The following AKAP13 variants were observed in gnomAD, a reference collection of about 807,000 sequenced individuals.
The protein encoded by AKAP13 is A-kinase anchor protein 13.
In AKAP13, 80 loss-of-function variants were observed where a neutral mutation model predicts 264.5. The ratio of observed to expected loss-of-function variants is 0.30; its 90% CI spans 0.25 to 0.36. The LOEUF (loss-of-function observed/expected upper bound fraction) is 0.36. AKAP13 is among the 10% of genes least tolerant of loss of function. The pLI is 1.00. For missense variants in AKAP13, 3,712 were observed against 3,435.2 expected, an observed-to-expected ratio of 1.08 and a Z score of -2.01; for synonymous variants, 1,380 against 1,250.2, an observed-to-expected ratio of 1.10 and a Z score of -2.19.
intron 23 of AKAP13, among the ~76,000 whole-genome samples, chr15:85,719,751 A>G (rs775512958): frequency 6.6e-6 from 1 of 151,956 alleles, no homozygotes; most frequent in Admixed American, 6.6e-5. Context: ...CCTGGCCAAC[A>G]TGATAAAACC....
rs193057643 is a variant in AKAP13, at chr15:85,712,104, G to A, written c.5599+1459G>A. Among the ~76,000 whole-genome samples, 120 of 152,294 alleles carry A rather than the reference G, an allele frequency of 7.9e-4. 2 individuals carry two copies. Among genetic ancestry groups the A allele is most frequent in the Admixed American group, 7.1e-3 (108 of 15,300 alleles). ...ATGCCTTGGCCTCCCAAAGTGCTGA[G>A]ATAACAGGCATGAGCCACCGCACCC... On this transcript the variant is annotated intron_variant, in intron 19 of 36. Coordinates refer to ENST00000394518, the MANE Select transcript of AKAP13 (RefSeq NM_007200.5).
chr15:85,517,359 T>C lies in AKAP13; in HGVS notation c.34-4069T>C, dbSNP rs559231740. Among the ~76,000 whole-genome samples, 4 of 152,028 alleles carry C rather than the reference T, an allele frequency of 2.6e-5. No individual in the cohort carries two copies. The East Asian group carries it at 7.7e-4, about 29-fold the overall frequency. The stretch of plus-strand genomic sequence containing the variant: ...TCCCTTTCCCATCACACTTTTTTTT[T>C]TCCCCCCATCAAGTTACTTTTCCCA... On this transcript the variant is annotated intron_variant, in intron 2 of 36. Coordinates refer to ENST00000394518, the MANE Select transcript of AKAP13 (RefSeq NM_007200.5).
chr15:85,638,159 C>G (rs1244002184), intron 8 of AKAP13, among the ~76,000 whole-genome samples: 1 of 152,296 alleles, frequency 6.6e-6, no homozygotes, highest in African/African-American at 2.4e-5. Context: ...GCTGGGATTA[C>G]AGGCGTGCCA....
intron 14 of AKAP13, among the ~76,000 whole-genome samples, chr15:85,672,996 C>T (rs534550126): frequency 6.6e-6 from 1 of 152,318 alleles, no homozygotes; most frequent in East Asian, 1.9e-4. Flanking sequence ...ATCCTAATCT[C>T]ACTGCTTTCC....
At chr15:85,566,626 CTTTTTT>C (rs35129066) in intron 5 of AKAP13, among the ~76,000 whole-genome samples, 15 of 135,292 alleles carry the variant, frequency 1.1e-4, no homozygotes, top group Non-Finnish European at 1.9e-4. Flanking sequence ...AAATAACTTA[CTTTTTT>C]TTTTTTTTTT....
At chr15:85,509,283 T>C (rs576932585) in intron 2 of AKAP13, among the ~76,000 whole-genome samples, 1 of 152,364 alleles carries the variant, frequency 6.6e-6, no homozygotes, top group East Asian at 1.9e-4. Context: ...TGGCGGCTGA[T>C]ACCTTGTTAC....
At chr15:85,518,479 T>C (rs970802031) in intron 2 of AKAP13, among the ~76,000 whole-genome samples, 3 of 152,222 alleles carry the variant, frequency 2.0e-5, no homozygotes, top group African/African-American at 7.2e-5. Flanking sequence ...TTCTCTTGAA[T>C]ATTTTGGGCA....
At chr15:85,643,081 C>T (rs2082384416) in intron 9 of AKAP13, among the ~76,000 whole-genome samples, 2 of 151,254 alleles carry the variant, frequency 1.3e-5, no homozygotes, top group African/African-American at 2.4e-5. Context: ...GGGCTGTTCC[C>T]ATTGAACTAA....
At chr15:85,593,094 G>T (rs963169133) in intron 8 of AKAP13, among the ~76,000 whole-genome samples, 5 of 152,132 alleles carry the variant, frequency 3.3e-5, no homozygotes, top group Admixed American at 6.6e-5. Context: ...TGGATCACAT[G>T]AGGCCAGGAG....
intron 1 of AKAP13, among the ~76,000 whole-genome samples, chr15:85,470,802 A>C (rs1439076748): frequency 6.6e-6 from 1 of 152,198 alleles, no homozygotes; most frequent in Admixed American, 6.5e-5. Context: ...CAGTGATTTT[A>C]TGTTACTTTG....
At chr15:85,692,481 A>G (rs890546811) in intron 16 of AKAP13, among the ~76,000 whole-genome samples, 1 of 149,852 alleles carries the variant, frequency 6.7e-6, no homozygotes, top group East Asian at 2.1e-4. Context: ...GAGTAGTAGT[A>G]GTGGTGGTGG....
chr15:85,742,270 CGCCACTGCTCTGT>C (rs757265225), intron 35 of AKAP13, among the ~76,000 whole-genome samples: 29 of 152,310 alleles, frequency 1.9e-4, no homozygotes, highest in Non-Finnish European at 3.1e-4. Flanking sequence ...TTAGGAGCAA[CGCCACTGCTCTGT>C]GCCACATCAG....
chr15:85,554,218 T>C (rs953955853), intron 5 of AKAP13, among the ~76,000 whole-genome samples: 3 of 152,182 alleles, frequency 2.0e-5, no homozygotes, highest in South Asian at 2.1e-4. Context: ...ACATCTCTTA[T>C]AGGCCTCAGT....
Position 85,635,198 on chromosome 15 carries a change from C to G in AKAP13, c.4162-4176C>G, listed in dbSNP as rs74360210. On this transcript the variant is annotated intron_variant, in intron 8 of 36. Coordinates refer to ENST00000394518, the MANE Select transcript of AKAP13 (RefSeq NM_007200.5). Reference sequence around the variant, plus strand: ...TTTCTTTCAGCAACAGTACTGTGTTCTAGTTGCTCCACATCTTTGCCAACA... The same window carrying G: ...TTTCTTTCAGCAACAGTACTGTGTTGTAGTTGCTCCACATCTTTGCCAACA... 2,644 of 397,604 alleles carry G rather than the reference C, an allele frequency of 6.6e-3. 13 individuals are homozygous for G. Among genetic ancestry groups the G allele is most frequent in the Non-Finnish European group, 8.8e-3 (1,984 of 225,550 alleles). 24.6% of individuals were successfully genotyped at this position (397,604 alleles called of 1,614,324 possible).
At chr15:85,406,341 G>A (rs1431859492) in intron 1 of AKAP13, among the ~76,000 whole-genome samples, 1 of 151,904 alleles carries the variant, frequency 6.6e-6, no homozygotes, top group East Asian at 1.9e-4. Context: ...TTATGATTGT[G>A]GTTTCAAGTC....
At chr15:85,397,029 A>AT (rs1220848247) in intron 1 of AKAP13, among the ~76,000 whole-genome samples, 1 of 127,766 alleles carries the variant, frequency 7.8e-6, no homozygotes. Context: ...GAATTTGGTG[A>AT]TTCCCCCCCG....
chr15:85,408,863 T>TTCTTG (rs1345695243), intron 1 of AKAP13, among the ~76,000 whole-genome samples: 4 of 151,718 alleles, frequency 2.6e-5, no homozygotes, highest in African/African-American at 9.8e-5. Flanking sequence ...TGCTGGATCA[T>TTCTTG]ATGGTAATTC....
chr15:85,713,048 T>G (rs1334648661), intron 19 of AKAP13, among the ~76,000 whole-genome samples: 1 of 152,196 alleles, frequency 6.6e-6, no homozygotes, highest in African/African-American at 2.4e-5. Flanking sequence ...GGTAGTCAGG[T>G]TTAAATCAGA....
chr15:85,662,068 T>C (rs2083379184), intron 12 of AKAP13, among the ~76,000 whole-genome samples: 1 of 152,184 alleles, frequency 6.6e-6, no homozygotes, highest in Admixed American at 6.5e-5. Context: ...ATACCTCTCA[T>C]GTCTGAAGAG....
Sources: gnomAD v4.1 joint callset for allele counts (sites outside exome capture counted in the v4.1 genomes callset) on GRCh38, gnomAD v4.1.1 for gene constraint, MANE v1.5 for transcripts, NCBI Gene and HGNC (gene_info 2026-07-23, HGNC 2026-07-21) for gene names.